Variants in VPS35L observed in about 807,000 individuals in gnomAD.
VPS35L encodes VPS35 endosomal protein-sorting factor-like.
VPS35L carries 83 observed loss-of-function variants against 133.0 expected under a neutral mutation model. The ratio of observed to expected loss-of-function variants is 0.62; its 90% CI spans 0.52 to 0.75. The LOEUF (loss-of-function observed/expected upper bound fraction) is 0.75. VPS35L is among the 30% of genes least tolerant of loss of function. The probability of loss-of-function intolerance (pLI) is 0.00; values close to 1 mark genes in which losing one functional copy is unlikely to be tolerated. For missense variants in VPS35L, 1,083 were observed against 1,206.8 expected (o/e 0.90, Z 1.52); for synonymous variants, 423 against 449.9 (o/e 0.94, Z 0.76).
chr16:19,643,789 A>G (rs1453190829), intron 22 of VPS35L, among the ~76,000 whole-genome samples: 1 of 151,818 alleles, frequency 6.6e-6, no homozygotes, highest in Non-Finnish European at 1.5e-5. Context: ...CTACTTTAAA[A>G]AAAAAAAAAA....
Position 19,699,370 on chromosome 16 carries a change from CA to C in VPS35L, c.2647-131del. Reference sequence around the variant, plus strand: ...TTGGGAGGTTCAGCAGCTTGCCCTACAGCAAATACATGGCAGAGCTGGCACT... The same window carrying C: ...TTGGGAGGTTCAGCAGCTTGCCCTACGCAAATACATGGCAGAGCTGGCACT... On this transcript the variant is annotated intron_variant, in intron 29 of 30. Coordinates refer to ENST00000417362, the MANE Select transcript of VPS35L (RefSeq NM_020314.7). The surrounding 1 kb of genome is among the most constrained non-coding windows in gnomAD (Gnocchi z 4.2). The C allele has an allele frequency of 1.7e-6, 2 of 1,173,200 alleles. No homozygotes were observed. The highest frequency in any genetic ancestry group is 2.4e-6 in the Non-Finnish European group (2 of 839,460). 72.7% of individuals were successfully genotyped at this position (1,173,200 alleles called of 1,614,324 possible). A position where few individuals can be genotyped will look rare whatever the true frequency, so the allele number is the denominator to read the frequency against.
chr16:19,688,953 T>C (rs1428318442), intron 28 of VPS35L, among the ~76,000 whole-genome samples: 2 of 152,080 alleles, frequency 1.3e-5, no homozygotes, highest in Non-Finnish European at 2.9e-5. Context: ...AAATACATTC[T>C]CTTCCATCGT....
chr16:19,573,257 C>T lies in VPS35L; in HGVS notation c.408+16C>T, dbSNP rs149026004. 6.2e-7 allele frequency: 1 copy of T among 1,611,948 alleles called. No homozygotes were observed. Among genetic ancestry groups the T allele is most frequent in the Non-Finnish European group, 8.5e-7 (1 of 1,178,954 alleles). On this transcript the variant is annotated intron_variant, in intron 4 of 30. Transcript: ENST00000417362. ...GCTGTCTATTGTGAGTACCAGGAGA[C>T]CCTCTCCAGAGTCTACTTTGGAGTT...
intron 1 of VPS35L, 24 bp downstream of exon 1, chr16:19,555,770 C>T: frequency 6.4e-7 from 1 of 1,563,172 alleles, no homozygotes; most frequent in Admixed American, 1.8e-5. Context: ...GGCGGGTGGG[C>T]TTTGGAGAGG....
At chr16:19,608,872 T>A in intron 10 of VPS35L, 102 bp from the exon 11 acceptor site, 2 of 969,502 alleles carry the variant, frequency 2.1e-6, no homozygotes, top group Non-Finnish European at 3.2e-6. Flanking sequence ...GTGGTCCCCA[T>A]CTCCTAAGAC....
chr16:19,622,444 C>G (rs967285377), intron 14 of VPS35L, among the ~76,000 whole-genome samples: 7 of 151,776 alleles, frequency 4.6e-5, no homozygotes, highest in African/African-American at 1.7e-4. Flanking sequence ...GCCCGGCCCC[C>G]ACGTATATCA....
At chr16:19,689,035 C>G (rs1386772816) in intron 28 of VPS35L, among the ~76,000 whole-genome samples, 1 of 147,544 alleles carries the variant, frequency 6.8e-6, no homozygotes, top group East Asian at 2.0e-4. Context: ...TACCCGGTGT[C>G]TCTTCTTTTT....
rs540075979 is a variant in VPS35L, at chr16:19,567,340, C to T, written c.118-2084C>T. Among the ~76,000 whole-genome samples, 7 of 152,234 alleles carry T rather than the reference C, an allele frequency of 4.6e-5. No individual in the cohort carries two copies. In the South Asian group the frequency reaches 6.2e-4, roughly 14 times the overall value. The stretch of plus-strand genomic sequence containing the variant: ...TTTTCATTGACCCAGTTTTGTTATG[C>T]GCCCTACCCTGAACCAGCATTGGTG... On this transcript the variant is annotated intron_variant, in intron 2 of 30. Coordinates refer to ENST00000417362, the MANE Select transcript of VPS35L (RefSeq NM_020314.7).
At position 19,581,650 on chromosome 16, in the gene VPS35L, C is replaced by A; in HGVS notation, c.636C>A (p.Ile212=). The A allele has an allele frequency of 6.2e-7, 1 of 1,613,488 alleles. No individual in the cohort carries two copies. The highest frequency in any genetic ancestry group is 8.5e-7 in the Non-Finnish European group (1 of 1,179,960). ...AAGTGAAGGCTCTAAAAATAGTCAT[C>A]CAGGTTAGCTCTAGTGATCCCCCAC... ...DQKVKALKIV[I]QCSKLLSDTS... Residue 212 remains isoleucine, a synonymous_variant, in exon 7 of 31, where the codon ATC becomes ATA. Coordinates refer to ENST00000417362, the MANE Select transcript of VPS35L (RefSeq NM_020314.7).
chr16:19,601,777 A>C (rs1972392262), intron 9 of VPS35L, 54 bp downstream of exon 9: 2 of 1,569,238 alleles, frequency 1.3e-6, no homozygotes, highest in Non-Finnish European at 1.7e-6. Flanking sequence ...CAGGACTAGA[A>C]GGCTTTTATT....
chr16:19,655,310 TC>T (rs1167892998), intron 26 of VPS35L, among the ~76,000 whole-genome samples: 7 of 152,202 alleles, frequency 4.6e-5, no homozygotes, highest in Admixed American at 3.3e-4. Context: ...CTATTATTTT[TC>T]TCCTGAAAGC....
rs1356960727 is a variant in VPS35L, at chr16:19,652,108, T to G, written c.2221+18T>G. 1 of 1,508,134 alleles carries G rather than the reference T, an allele frequency of 6.6e-7. No homozygotes were observed. Among genetic ancestry groups the G allele is most frequent in the East Asian group, 2.3e-5 (1 of 43,184 alleles). 93.4% of individuals were successfully genotyped at this position (1,508,134 alleles called of 1,614,324 possible). On this transcript the variant is annotated intron_variant, in intron 26 of 30. Coordinates refer to ENST00000417362, the MANE Select transcript of VPS35L (RefSeq NM_020314.7). ...CTCCCAAGGTAAGTCCATCATTCTC[T>G]CATCTCGGGCACTCCCTTGCTGCTT...
intron 29 of VPS35L, among the ~76,000 whole-genome samples, chr16:19,693,638 G>A (rs894595257): frequency 3.3e-5 from 5 of 152,140 alleles, no homozygotes; most frequent in Non-Finnish European, 5.9e-5. Flanking sequence ...GAAAAAATTA[G>A]TTGGGTGTGG....
rs34717929 is a variant in VPS35L, at chr16:19,627,742, C to T, written c.1320C>T (p.Ile440=). Residue 440 remains isoleucine, a synonymous_variant, in exon 16 of 31, where the codon ATC becomes ATT. Transcript: ENST00000417362. ...TGTCTGCCTTCCGGGCTGAGTTCATCGCCACAAGGTCTATGGATTTCATTG... is the reference window on the plus strand; with the variant it reads ...TGTCTGCCTTCCGGGCTGAGTTCATTGCCACAAGGTCTATGGATTTCATTG... The part of the protein sequence containing the change: ...SVMSAFRAEF[I]ATRSMDFIGM... The T allele has an allele frequency of 3.1e-4, 503 of 1,614,088 alleles. 5 individuals carry two copies. In the South Asian group the frequency reaches 3.9e-3, roughly 12 times the overall value.
chr16:19,679,134 T>TGGGGG (rs910975859), intron 27 of VPS35L, among the ~76,000 whole-genome samples: 1 of 1,332 alleles, frequency 7.5e-4, no homozygotes, highest in South Asian at 0.016. Context: ...AAAAGAAGGC[T>TGGGGG]GGGGGGGCGG....
At chr16:19,619,223 G>A (rs1472206057) in intron 14 of VPS35L, among the ~76,000 whole-genome samples, 2 of 151,976 alleles carry the variant, frequency 1.3e-5, no homozygotes, top group African/African-American at 2.4e-5. Flanking sequence ...AAGAGCCACC[G>A]TGCCCAGCCG....
At position 19,564,877 on chromosome 16, in the gene VPS35L, C is replaced by T. The variant is rs1414819863; in HGVS notation, c.44C>T (p.Ala15Val). Reference sequence around the variant, plus strand: ...CACTCCAGGAATAGGAACTACAAAGCTGAATTTGCATCATGCCGACTGGAG... The same window carrying T: ...CACTCCAGGAATAGGAACTACAAAGTTGAATTTGCATCATGCCGACTGGAG... Reference protein sequence around the residue: ...PWHSRNRNYKAEFASCRLEAV... With the variant: ...PWHSRNRNYKVEFASCRLEAV... The change falls in exon 2 of 31, where the codon GCT becomes GTT. Residue 15 changes from alanine to valine, a missense_variant. Ala to Val is a moderately conservative substitution (Grantham distance 64). Coordinates refer to ENST00000417362, the MANE Select transcript of VPS35L (RefSeq NM_020314.7). The T allele has an allele frequency of 1.9e-6, 3 of 1,613,512 alleles. 1 individual carries two copies. In the South Asian group the frequency reaches 3.3e-5, roughly 18 times the overall value.
chr16:19,605,230 C>A lies in VPS35L; in HGVS notation c.785-2948C>A, dbSNP rs75565381. Reference sequence around the variant, plus strand: ...TGGTCTCCTGCCTTCTCTTAAAATACCCACAGAAGTTCAGGTTTGAAAAAA... The same window carrying A: ...TGGTCTCCTGCCTTCTCTTAAAATAACCACAGAAGTTCAGGTTTGAAAAAA... On this transcript the variant is annotated intron_variant, in intron 9 of 30. Coordinates refer to ENST00000417362, the MANE Select transcript of VPS35L (RefSeq NM_020314.7). Among the ~76,000 whole-genome samples the A allele has an allele frequency of 3.6e-4, 55 of 152,196 alleles. No homozygotes were observed. In the East Asian group the frequency reaches 9.1e-3, roughly 25 times the overall value.
chr16:19,664,908 A>C (rs1001153137), intron 26 of VPS35L, among the ~76,000 whole-genome samples: 4 of 151,992 alleles, frequency 2.6e-5, no homozygotes, highest in African/African-American at 4.8e-5. Flanking sequence ...TAAAAAAAAA[A>C]AAAAACAAAA....
Sources: allele counts gnomAD v4.1 joint callset (sites outside exome capture counted in the v4.1 genomes callset), GRCh38; gene constraint gnomAD v4.1.1; non-coding constraint Gnocchi (gnomAD v3.1); transcripts MANE v1.5; gene names NCBI Gene and HGNC (gene_info 2026-07-23, HGNC 2026-07-21).